Variants in DIP2C observed in about 807,000 individuals in gnomAD.
The protein encoded by DIP2C is DIP2 acetate--CoA ligase C (putative), also known as disco-interacting protein 2 homolog C.
In DIP2C, 33 loss-of-function variants were observed where a neutral mutation model predicts 192.4. The ratio of observed to expected loss-of-function variants is 0.17; its 90% CI spans 0.13 to 0.23. The LOEUF (loss-of-function observed/expected upper bound fraction) is 0.23. Ranked by LOEUF, DIP2C falls within the 10% of genes least tolerant of loss-of-function variation. The probability of loss-of-function intolerance (pLI) is 1.00; values close to 1 mark genes in which losing one functional copy is unlikely to be tolerated. For missense variants in DIP2C, 1,537 were observed against 2,110.1 expected (o/e 0.73, Z 5.32); for synonymous variants, 979 against 864.1 (o/e 1.13, Z -2.33).
At chr10:623,001 T>A (rs1853964661) in intron 1 of DIP2C, among the ~76,000 whole-genome samples, 1 of 152,250 alleles carries the variant, frequency 6.6e-6, no homozygotes, top group South Asian at 2.1e-4. Flanking sequence ...TTTATTCCAA[T>A]TCTACAGCGC....
At chr10:284,557 A>G (rs373787255) in intron 34 of DIP2C, among the ~76,000 whole-genome samples, 41 of 152,230 alleles carry the variant, frequency 2.7e-4, no homozygotes, top group African/African-American at 9.9e-4. Flanking sequence ...GAGTTCATAG[A>G]AGCGGAGGGT....
At chr10:436,204 G>A (rs1421986327) in intron 4 of DIP2C, among the ~76,000 whole-genome samples, 1 of 152,160 alleles carries the variant, frequency 6.6e-6, no homozygotes, top group Non-Finnish European at 1.5e-5. Context: ...CCTTTTTCTT[G>A]ACCACAGATT....
At chr10:592,158 AGGAAGC>A (rs1334231498) in intron 1 of DIP2C, among the ~76,000 whole-genome samples, 390 of 152,322 alleles carry the variant, frequency 2.6e-3, no homozygotes, top group Middle Eastern at 0.01. Flanking sequence ...TCTGCTAATT[AGGAAGC>A]ATATTAATAT....
chr10:321,352 G>A (rs1041554438), intron 31 of DIP2C, among the ~76,000 whole-genome samples: 4 of 152,218 alleles, frequency 2.6e-5, no homozygotes, highest in Non-Finnish European at 4.4e-5. Flanking sequence ...CGAAGACCAG[G>A]ACCCCCTCTG....
chr10:289,631 G>A (rs190543033), intron 32 of DIP2C, among the ~76,000 whole-genome samples: 3 of 152,294 alleles, frequency 2.0e-5, no homozygotes, highest in Non-Finnish European at 1.5e-5. Flanking sequence ...GTCTTCCTCT[G>A]TAACTGACAG....
Position 419,071 on chromosome 10 carries a change from C to T in DIP2C, c.733G>A (p.Gly245Arg). 6 of 1,614,246 alleles carry T rather than the reference C, an allele frequency of 3.7e-6. No individual in the cohort carries two copies. Among genetic ancestry groups the T allele is most frequent in the Non-Finnish European group, 5.1e-6 (6 of 1,180,050 alleles). Residue 245 changes from glycine to arginine, a missense_variant, in exon 6 of 37, where the codon GGG (glycine) becomes AGG (arginine). By Grantham distance (125) the Gly-to-Arg change is moderately radical. Transcript: ENST00000280886. ...TCTCTCCTTTGGGACGTACCATCCC[C>T]GGTCTCCATGAGCTCGGCGTTGCCG... is the stretch of plus-strand genomic sequence containing the variant. ...KYGNAELMET[G>R]DGVPVSSRVS...
At chr10:508,548 T>C (rs1845786884) in intron 1 of DIP2C, among the ~76,000 whole-genome samples, 1 of 152,200 alleles carries the variant, frequency 6.6e-6, no homozygotes, top group Non-Finnish European at 1.5e-5. Flanking sequence ...GGATTTCCTG[T>C]GAGCCGCTAA....
intron 9 of DIP2C, among the ~76,000 whole-genome samples, chr10:405,749 G>C (rs1011926218): frequency 2.6e-5 from 4 of 152,142 alleles, no homozygotes; most frequent in East Asian, 1.9e-4. Context: ...GGCATCAGCC[G>C]ATCAGGAGAC....
chr10:436,874 G>C (rs1392614941), intron 4 of DIP2C, among the ~76,000 whole-genome samples: 1 of 147,054 alleles, frequency 6.8e-6, no homozygotes, highest in Non-Finnish European at 1.5e-5. Context: ...GGACATGGTA[G>C]GGTGATATGC....
At chr10:394,558 G>A (rs961140259) in intron 10 of DIP2C, among the ~76,000 whole-genome samples, 1 of 98,854 alleles carries the variant, frequency 1.0e-5, no homozygotes, top group African/African-American at 3.8e-5. Flanking sequence ...CTGAACCAAA[G>A]GACATTACGT....
At chr10:513,502 C>T (rs1402859803) in intron 1 of DIP2C, among the ~76,000 whole-genome samples, 3 of 152,220 alleles carry the variant, frequency 2.0e-5, no homozygotes, top group Non-Finnish European at 2.9e-5. Flanking sequence ...CACCACGGCC[C>T]GTGGCTCTCG....
intron 1 of DIP2C, among the ~76,000 whole-genome samples, chr10:579,739 A>C (rs1393092654): frequency 2.0e-5 from 3 of 152,118 alleles, no homozygotes; most frequent in African/African-American, 4.8e-5. Context: ...CAGCATACAT[A>C]GGTACACTAT....
intron 29 of DIP2C, among the ~76,000 whole-genome samples, chr10:330,307 C>T (rs1251873774): frequency 3.3e-5 from 5 of 151,938 alleles, no homozygotes; most frequent in Admixed American, 6.6e-5. Context: ...TTAATTTTAC[C>T]TTCATACTAG....
chr10:444,046 A>G (rs1436453304), intron 3 of DIP2C, among the ~76,000 whole-genome samples: 2 of 152,202 alleles, frequency 1.3e-5, no homozygotes, highest in East Asian at 3.9e-4. Flanking sequence ...CTCGTGAGAC[A>G]GCCACTGTTC....
chr10:592,338 C>T (rs918269248), intron 1 of DIP2C, among the ~76,000 whole-genome samples: 2 of 152,030 alleles, frequency 1.3e-5, no homozygotes, highest in Non-Finnish European at 2.9e-5. Context: ...GATGTTATAT[C>T]ACCACATTAT....
At chr10:585,077 G>C (rs1049286603) in intron 1 of DIP2C, among the ~76,000 whole-genome samples, 1 of 152,032 alleles carries the variant, frequency 6.6e-6, no homozygotes, top group African/African-American at 2.4e-5. Flanking sequence ...CCCCACTCAC[G>C]GGCATCACCT....
At chr10:474,997 ATC>A (rs1970948413) in intron 2 of DIP2C, among the ~76,000 whole-genome samples, 1 of 151,954 alleles carries the variant, frequency 6.6e-6, no homozygotes, top group Admixed American at 6.6e-5. Flanking sequence ...ACACCACCAA[ATC>A]TCTCCCCAAG....
chr10:671,149 C>A (rs1376719877), intron 1 of DIP2C, among the ~76,000 whole-genome samples: 1 of 152,238 alleles, frequency 6.6e-6, no homozygotes, highest in African/African-American at 2.4e-5. Context: ...CCCTGTGTGT[C>A]ACGCAAACCC....
chr10:328,584 A>C lies in DIP2C; in HGVS notation c.3753+849T>G, dbSNP rs1463353217. ...ATATAGATGAACATGAATAGTGCTA[A>C]CTTTTTCCTATATAAAAACTTAAAA... On this transcript the variant is annotated intron_variant, in intron 30 of 36. Coordinates refer to ENST00000280886, the MANE Select transcript of DIP2C (RefSeq NM_014974.3). 4.0e-5 allele frequency among the ~76,000 whole-genome samples: 3 copies of C among 75,596 alleles called. No individual in the cohort carries two copies. In the Admixed American group the frequency reaches 5.4e-4, roughly 14 times the overall value. The allele number at this position is 75,596 out of a possible 152,430, so 49.6% of individuals were successfully genotyped here. A position where few individuals can be genotyped will look rare whatever the true frequency, so the allele number is the denominator to read the frequency against.
Sources: allele counts gnomAD v4.1 joint callset (sites outside exome capture counted in the v4.1 genomes callset), GRCh38; gene constraint gnomAD v4.1.1; transcripts MANE v1.5; gene names NCBI Gene and HGNC (gene_info 2026-07-23, HGNC 2026-07-21).